DLG2: variants seen among roughly 807,000 people sequenced by gnomAD.
The protein encoded by DLG2 is disks large homolog 2.
In DLG2, 45 loss-of-function variants were observed where a neutral mutation model predicts 132.5. That is an observed-to-expected ratio of 0.34 (90% CI 0.27 to 0.44). DLG2 has a LOEUF of 0.44. Among genes scored for constraint, DLG2 ranks in the 20% least tolerant of loss-of-function variants. DLG2 has a pLI of 1.00. For missense variants in DLG2, 1,045 were observed against 1,196.9 expected (o/e 0.87, Z 1.87); for synonymous variants, 424 against 419.6 (o/e 1.01, Z -0.13).
chr11:85,363,593 A>G (rs145439901), intron 3 of DLG2, among the ~76,000 whole-genome samples: 66 of 152,342 alleles, frequency 4.3e-4, no homozygotes, highest in African/African-American at 1.5e-3. Context: ...TAGGAGCTCA[A>G]TCTTTGAAAA....
intron 3 of DLG2, among the ~76,000 whole-genome samples, chr11:85,480,990 C>T (rs2093275020): frequency 6.6e-6 from 1 of 152,228 alleles, no homozygotes; most frequent in African/African-American, 2.4e-5. Context: ...GGTTTTGCCT[C>T]GCTGGCTGGG....
intron 6 of DLG2, among the ~76,000 whole-genome samples, chr11:84,973,404 G>A (rs537548732): frequency 7.9e-5 from 12 of 152,218 alleles, no homozygotes; most frequent in Admixed American, 3.3e-4. Flanking sequence ...TATGTTCCTC[G>A]TGAAATGTAC....
intron 10 of DLG2, among the ~76,000 whole-genome samples, chr11:84,079,549 T>G (rs1594795545): frequency 6.6e-6 from 1 of 152,044 alleles, no homozygotes; most frequent in Admixed American, 6.6e-5. Context: ...TCCCAAAGTG[T>G]TGGGATTACA....
At chr11:84,582,476 C>T (rs1452038076) in intron 6 of DLG2, among the ~76,000 whole-genome samples, 1 of 147,890 alleles carries the variant, frequency 6.8e-6, no homozygotes, top group East Asian at 2.0e-4. Context: ...CATATAAATA[C>T]ATATATAATA....
chr11:84,429,155 G>A (rs1468807051), intron 7 of DLG2, among the ~76,000 whole-genome samples: 2 of 152,136 alleles, frequency 1.3e-5, no homozygotes, highest in Non-Finnish European at 1.5e-5. Context: ...TAATGGTCAA[G>A]GAAGTTCCAG....
chr11:83,474,197 A>G (rs908704019), intron 22 of DLG2, among the ~76,000 whole-genome samples: 1 of 152,108 alleles, frequency 6.6e-6, no homozygotes, highest in Non-Finnish European at 1.5e-5. Flanking sequence ...TTGGTCAGTG[A>G]GGAGTCAGAT....
intron 3 of DLG2, among the ~76,000 whole-genome samples, chr11:85,347,678 C>T (rs2152871962): frequency 6.6e-6 from 1 of 151,972 alleles, no homozygotes; most frequent in Non-Finnish European, 1.5e-5. Context: ...TATTGATCTG[C>T]CTTTTGTCAG....
chr11:85,549,147 C>T (rs766808096), intron 3 of DLG2, among the ~76,000 whole-genome samples: 23 of 152,120 alleles, frequency 1.5e-4, no homozygotes, highest in Non-Finnish European at 2.2e-4. Context: ...CTCCTGGGTC[C>T]GCAGGTTGTG....
chr11:85,582,660 CAAAAAAAAAAAAAAAAAAAAAAAAAAA>C lies in DLG2; in HGVS notation c.40+15970_40+15996del, dbSNP rs59452629. Among the ~76,000 whole-genome samples, 298 of 27,138 alleles carry C rather than the reference CAAAAAAAAAAAAAAAAAAAAAAAAAAA, an allele frequency of 0.011. 3 individuals carry two copies. The Middle Eastern group carries it at 0.14, about 12-fold the overall frequency. 17.8% of individuals were successfully genotyped at this position (27,138 alleles called of 152,430 possible). A position where few individuals can be genotyped will look rare whatever the true frequency, so the allele number is the denominator to read the frequency against. On this transcript the variant is annotated intron_variant, in intron 3 of 27. Transcript: ENST00000376104. ...GCAACATGGTGAAACCCCATCTCTA[CAAAAAAAAAAAAAAAAAAAAAAAAAAA>C]AAAAAAAAAAAAAAAAAACTCGTGC... is the stretch of plus-strand genomic sequence containing the variant.
intron 3 of DLG2, among the ~76,000 whole-genome samples, chr11:85,533,021 T>A (rs191872806): frequency 6.7e-4 from 102 of 152,256 alleles, no homozygotes; most frequent in Admixed American, 2.3e-3. Context: ...TTGTTGTTGT[T>A]GTTGTTGTTG....
At position 83,592,615 on chromosome 11, in the gene DLG2, A is replaced by G. The variant is rs1478991658; in HGVS notation, c.1940+40596T>C. On this transcript the variant is annotated intron_variant, in intron 19 of 27. Transcript: ENST00000376104. Reference sequence around the variant, plus strand: ...CTTCATGTCCAAAACACCAAAAGCAATGGCAACAAAAGACAAAATTGACAA... The same window carrying G: ...CTTCATGTCCAAAACACCAAAAGCAGTGGCAACAAAAGACAAAATTGACAA... Among the ~76,000 whole-genome samples the G allele has an allele frequency of 5.3e-5, 8 of 152,012 alleles. No homozygotes were observed. The East Asian group carries it at 1.5e-3, about 29-fold the overall frequency.
chr11:85,037,652 A>G (rs2061528858), intron 6 of DLG2, among the ~76,000 whole-genome samples: 1 of 152,132 alleles, frequency 6.6e-6, no homozygotes, highest in Non-Finnish European at 1.5e-5. Flanking sequence ...GTTAAAGTTA[A>G]AATGTGGTGG....
At chr11:84,637,768 G>A (rs1195888890) in intron 6 of DLG2, among the ~76,000 whole-genome samples, 2 of 152,190 alleles carry the variant, frequency 1.3e-5, no homozygotes, top group African/African-American at 4.8e-5. Context: ...GGCCTGAGAT[G>A]GCTCTTAGTG....
At chr11:83,719,846 G>T (rs1174970591) in intron 18 of DLG2, among the ~76,000 whole-genome samples, 1 of 152,116 alleles carries the variant, frequency 6.6e-6, no homozygotes, top group Non-Finnish European at 1.5e-5. Context: ...AATCATCAAT[G>T]ACAGTCAATA....
At chr11:84,490,930 T>C (rs536394338) in intron 7 of DLG2, among the ~76,000 whole-genome samples, 19 of 151,958 alleles carry the variant, frequency 1.3e-4, no homozygotes, top group Non-Finnish European at 1.3e-4. Context: ...TTACCATATT[T>C]AATTCTCACT....
chr11:84,226,914 C>T (rs2097004495), intron 8 of DLG2, among the ~76,000 whole-genome samples: 1 of 151,744 alleles, frequency 6.6e-6, no homozygotes, highest in South Asian at 2.1e-4. Context: ...GGTGAAACCC[C>T]GTCTCTACTG....
chr11:85,538,922 C>T (rs552959761), intron 3 of DLG2, among the ~76,000 whole-genome samples: 20 of 151,872 alleles, frequency 1.3e-4, no homozygotes, highest in South Asian at 6.2e-4. Flanking sequence ...TTGATAGGTG[C>T]AGCAAAACAC....
intron 6 of DLG2, among the ~76,000 whole-genome samples, chr11:84,601,126 C>T (rs2099575740): frequency 6.6e-6 from 1 of 151,848 alleles, no homozygotes. Flanking sequence ...ACACAGGTAA[C>T]CCGCATATAT....
At chr11:84,611,024 TAC>T (rs10587472) in intron 6 of DLG2, among the ~76,000 whole-genome samples, 6,899 of 138,104 alleles carry the variant, frequency 0.05, 310 homozygotes, top group African/African-American at 0.13. Context: ...TTAGATGACA[TAC>T]ACACACACAC....
Sources: allele counts gnomAD v4.1 joint callset (sites outside exome capture counted in the v4.1 genomes callset), GRCh38; gene constraint gnomAD v4.1.1; transcripts MANE v1.5; gene names NCBI Gene and HGNC (gene_info 2026-07-23, HGNC 2026-07-21).